SCML2: variants seen among roughly 807,000 people sequenced by gnomAD.
SCML2 encodes sex comb on midleg-like protein 2.
SCML2 carries 6 observed loss-of-function variants against 48.4 expected under a neutral mutation model. The ratio of observed to expected loss-of-function variants is 0.12; its 90% CI spans 0.07 to 0.24. SCML2 has a LOEUF of 0.24. SCML2 is among the 10% of genes least tolerant of loss of function. The pLI, the probability that SCML2 is intolerant of heterozygous loss-of-function variation, is 1.00. For synonymous variants in SCML2, 181 were observed against 189.5 expected, an observed-to-expected ratio of 0.95 and a Z score of 0.37; for missense variants, 377 against 528.2, an observed-to-expected ratio of 0.71 and a Z score of 2.81.
intron 11 of SCML2, among the ~76,000 whole-genome samples, chrX:18,248,984 G>A (rs1268319787): frequency 9.0e-6 from 1 of 111,369 alleles, no homozygotes; most frequent in Non-Finnish European, 1.9e-5. Context: ...TTCTGCTTCT[G>A]CGTATTGTAG....
At chrX:18,281,816 G>T (rs754274428) in intron 7 of SCML2, among the ~76,000 whole-genome samples, 1 of 109,312 alleles carries the variant, frequency 9.1e-6, no homozygotes, top group East Asian at 2.9e-4. Context: ...TAAAATTAAA[G>T]GCAAATTTAA....
At chrX:18,316,185 T>G (rs747314146) in intron 6 of SCML2, among the ~76,000 whole-genome samples, 10 of 112,162 alleles carry the variant, frequency 8.9e-5, no homozygotes, top group African/African-American at 3.2e-4. Context: ...GGTCAGGAAT[T>G]CGAGACCAGC....
chrX:18,319,741 C>A (rs1929255980), intron 6 of SCML2, among the ~76,000 whole-genome samples: 1 of 111,576 alleles, frequency 9.0e-6, no homozygotes, highest in Non-Finnish European at 1.9e-5. Flanking sequence ...TGCTGAAGCA[C>A]CAACCCCCAA....
rs185850084 is a variant in SCML2, at chrX:18,267,987, C to T, written c.731-2185G>A. Among the ~76,000 whole-genome samples, 239 of 112,138 alleles carry T rather than the reference C, an allele frequency of 2.1e-3. 1 individual carries two copies. The highest frequency in any genetic ancestry group is 7.5e-3 in the African/African-American group (233 of 30,914). On this transcript the variant is annotated intron_variant, in intron 7 of 14. Transcript: ENST00000251900. ...TATAAGCTACATGAGCTGGATGTGG[C>T]CCTCAGGCTATTGTTTGCCAACTCT...
At chrX:18,306,820 T>C (rs1300758901) in intron 6 of SCML2, among the ~76,000 whole-genome samples, 2 of 110,885 alleles carry the variant, frequency 1.8e-5, no homozygotes, top group African/African-American at 6.6e-5. Context: ...TCCTTTTAAT[T>C]ACATATTCTT....
chrX:18,266,021 G>A (rs1337668371), intron 7 of SCML2, among the ~76,000 whole-genome samples: 2 of 111,175 alleles, frequency 1.8e-5, no homozygotes, highest in Non-Finnish European at 3.8e-5. Context: ...AAAATAAAGC[G>A]GTTTTTATTA....
chrX:18,319,609 A>C (rs1156772103), intron 6 of SCML2, among the ~76,000 whole-genome samples: 169 of 99,181 alleles, frequency 1.7e-3, no homozygotes, highest in African/African-American at 5.8e-3. Flanking sequence ...AAAAAAAAAC[A>C]AAAAAAAAAA....
At chrX:18,278,133 G>A (rs1428466125) in intron 7 of SCML2, among the ~76,000 whole-genome samples, 3 of 111,970 alleles carry the variant, frequency 2.7e-5, no homozygotes, top group Non-Finnish European at 3.8e-5. Context: ...ACTCCAGCCT[G>A]GGCAACAGAG....
Position 18,260,103 on chromosome X carries a change from G to A in SCML2, c.1069+68C>T, listed in dbSNP as rs755319107. 176 of 764,654 alleles carry A rather than the reference G, an allele frequency of 2.3e-4. 3 individuals carry two copies. The East Asian group carries it at 5.1e-3, about 22-fold the overall frequency. The allele number at this position is 764,654 out of a possible 1,213,427, so 63.0% of individuals were successfully genotyped here. A position where few individuals can be genotyped will look rare whatever the true frequency, so the allele number is the denominator to read the frequency against. On this transcript the variant is annotated intron_variant, in intron 9 of 14. Transcript: ENST00000251900. ...CTTATTATTTTATTTCCAGGACTTC[G>A]AAGACACTGAAAATAATACAGGATA...
chrX:18,347,840 T>C (rs1287498839), intron 1 of SCML2, among the ~76,000 whole-genome samples: 1 of 110,105 alleles, frequency 9.1e-6, no homozygotes, highest in Non-Finnish European at 1.9e-5. Context: ...TCAAGCCTTC[T>C]TGAGGAAATT....
intron 3 of SCML2, 51 bp downstream of exon 3, chrX:18,330,536 A>T: frequency 1.3e-6 from 1 of 751,987 alleles, no homozygotes; most frequent in Non-Finnish European, 1.9e-6. Context: ...AGTTAATTTT[A>T]ACACTAGTGA....
At chrX:18,251,410 T>C (rs888570310) in intron 11 of SCML2, among the ~76,000 whole-genome samples, 2 of 108,839 alleles carry the variant, frequency 1.8e-5, no homozygotes, top group Non-Finnish European at 3.8e-5. Context: ...ATAGGACTTG[T>C]ATCCAGAATA....
At chrX:18,326,746 C>T (rs1929493609) in intron 3 of SCML2, among the ~76,000 whole-genome samples, 1 of 109,925 alleles carries the variant, frequency 9.1e-6, no homozygotes, top group Non-Finnish European at 1.9e-5. Flanking sequence ...ATGGCTCTAC[C>T]TCTTACTAGC....
intron 6 of SCML2, among the ~76,000 whole-genome samples, chrX:18,313,276 C>A (rs904093188): frequency 3.6e-5 from 4 of 110,678 alleles, no homozygotes; most frequent in African/African-American, 1.3e-4. Context: ...GTGGGAGGGA[C>A]CCGGGGGAGG....
chrX:18,342,299 T>A (rs1236182606), intron 1 of SCML2, among the ~76,000 whole-genome samples: 1 of 109,433 alleles, frequency 9.1e-6, no homozygotes. Context: ...ACTTAATGCA[T>A]ATTAGGAGCA....
chrX:18,336,897 T>A (rs1929839390), intron 1 of SCML2, among the ~76,000 whole-genome samples: 1 of 110,987 alleles, frequency 9.0e-6, no homozygotes, highest in Non-Finnish European at 1.9e-5. Flanking sequence ...AAAAACTGAA[T>A]CATATTAAAT....
rs1437336858 is a variant in SCML2, at chrX:18,346,113, G to T, written c.-25+8479C>A. ...TCATTGTTGTTCTCTGTTCTTTCCT[G>T]CAATATCAAATCAGCTGTCTTAATT... On this transcript the variant is annotated intron_variant, in intron 1 of 14. Coordinates refer to ENST00000251900, the MANE Select transcript of SCML2 (RefSeq NM_006089.3). 5.4e-5 allele frequency among the ~76,000 whole-genome samples: 6 copies of T among 110,496 alleles called. No homozygotes were observed. The East Asian group carries it at 1.7e-3, about 31-fold the overall frequency.
chrX:18,285,273 T>C (rs1053566268), intron 7 of SCML2, among the ~76,000 whole-genome samples: 2 of 109,579 alleles, frequency 1.8e-5, no homozygotes, highest in South Asian at 4.0e-4. Context: ...TGCTGCACTA[T>C]ACACAATAGC....
intron 7 of SCML2, among the ~76,000 whole-genome samples, chrX:18,297,066 A>C (rs2147514938): frequency 8.9e-6 from 1 of 112,208 alleles, no homozygotes; most frequent in South Asian, 3.7e-4. Flanking sequence ...TGTCCCAAGG[A>C]TGCAACGATA....
Sources: gnomAD v4.1 joint callset for allele counts (sites outside exome capture counted in the v4.1 genomes callset) on GRCh38, gnomAD v4.1.1 for gene constraint, MANE v1.5 for transcripts, NCBI Gene and HGNC (gene_info 2026-07-23, HGNC 2026-07-21) for gene names.